Variants in BAP1 observed in about 807,000 individuals in gnomAD.
The protein encoded by BAP1 is BRCA1 associated deubiquitinase 1, also known as ubiquitin carboxyl-terminal hydrolase BAP1.
Under a neutral mutation model 77.2 loss-of-function variants are expected in BAP1, and 16 were observed. The ratio of observed to expected loss-of-function variants is 0.21; its 90% CI spans 0.14 to 0.31. The LOEUF is 0.31. Among genes scored for constraint, BAP1 ranks in the 10% least tolerant of loss-of-function variants. The pLI, the probability that BAP1 is intolerant of heterozygous loss-of-function variation, is 1.00. For missense variants in BAP1, 699 were observed against 967.3 expected, an observed-to-expected ratio of 0.72 and a Z score of 3.68; for synonymous variants, 362 against 385.2, an observed-to-expected ratio of 0.94 and a Z score of 0.71.
Position 52,408,336 on chromosome 3 carries a change from T to A in BAP1, c.255+138A>T, listed in dbSNP as rs1237622291. The A allele has an allele frequency of 8.9e-5, 125 of 1,403,764 alleles. 1 individual carries two copies. Among genetic ancestry groups the A allele is most frequent in the Non-Finnish European group, 3.0e-6 (3 of 1,016,330 alleles). The allele number at this position is 1,403,764 out of a possible 1,614,324, so 87.0% of individuals were successfully genotyped here. ...CCCTTTAATGAATTAAGAGTTCAGT[T>A]CGTTCTGCCAGAGGATTTCTGTAGC... On this transcript the variant is annotated intron_variant, in intron 4 of 16. Coordinates refer to ENST00000460680, the MANE Select transcript of BAP1 (RefSeq NM_004656.4).
chr3:52,405,076 AG>A (rs748642021), intron 11 of BAP1, 33 bp downstream of exon 11: 2 of 1,612,650 alleles, frequency 1.2e-6, no homozygotes, highest in Admixed American at 3.3e-5. Flanking sequence ...AAGAGAATCA[AG>A]TAGAGAATCC....
At chr3:52,407,806 CAATT>C in intron 5 of BAP1, 148 bp downstream of exon 5, 1 of 1,344,642 alleles carries the variant, frequency 7.4e-7, no homozygotes, top group Non-Finnish European at 1.0e-6. Flanking sequence ...TGGCCTTACA[CAATT>C]TATTTAAGAG....
chr3:52,408,335 T>C, intron 4 of BAP1, 139 bp downstream of exon 4: 1 of 1,400,154 alleles, frequency 7.1e-7, no homozygotes, highest in Non-Finnish European at 9.9e-7. Context: ...AAGAGTTCAG[T>C]TCGTTCTGCC....
intron 3 of BAP1, 59 bp from the exon 4 acceptor site, chr3:52,408,665 CCTT>C (rs1705245429): frequency 6.4e-7 from 1 of 1,557,600 alleles, no homozygotes; most frequent in East Asian, 2.3e-5. Context: ...ATCAGCATTC[CCTT>C]CTTTCTCCCA....
chr3:52,407,410 A>G lies in BAP1; in HGVS notation c.426T>C (p.Asn142=), dbSNP rs949334747. Residue 142 remains asparagine, a synonymous_variant, in exon 6 of 17, where the codon AAT becomes AAC. Coordinates refer to ENST00000460680, the MANE Select transcript of BAP1 (RefSeq NM_004656.4). The stretch of plus-strand genomic sequence containing the variant: ...CAGCTCCCACACACCTGGCATGGCT[A>G]TTATGGGCCTTGGCCAACTCCGGGG... ...GNAPELAKAH[N]SHARPEPRHL... 6 of 1,614,084 alleles carry G rather than the reference A, an allele frequency of 3.7e-6. No individual in the cohort carries two copies. In the African/African-American group the frequency reaches 6.7e-5, roughly 18 times the overall value.
rs1553645164 is a variant in BAP1 at position 52,404,550 on chromosome 3, G to A, written c.1153C>T (p.Arg385Ter). 1 of 1,613,820 alleles carries A rather than the reference G, an allele frequency of 6.2e-7. No individual in the cohort carries two copies. ...EDLAAGVGRSRVPVRPPQQYS... is the reference protein window; with the variant it reads ...EDLAAGVGRS ...TGCTGGGGTGGGCGGACTGGAACTC[G>A]GCTGCGGCCCACACCTGCCGCCAGG... The change falls in exon 12 of 17, where the codon CGA becomes TGA. Residue 385 changes from arginine (R) to a stop codon, truncating the protein, a stop_gained. Transcript: ENST00000460680. LOFTEE classifies it high-confidence loss of function.
rs1705149295 is a variant in BAP1, at chr3:52,406,156, A to G, written c.783+97T>C. On this transcript the variant is annotated intron_variant, in intron 9 of 16. Transcript: ENST00000460680. The surrounding 1 kb of genome is among the most constrained non-coding windows in gnomAD (Gnocchi z 4.6). Reference sequence around the variant, plus strand: ...TAGCTGAAGCCCAGATCTACAAGAGAGTATGTTCACGAATCAGAGACAAAT... The same window carrying G: ...TAGCTGAAGCCCAGATCTACAAGAGGGTATGTTCACGAATCAGAGACAAAT... 6.9e-6 allele frequency: 11 copies of G among 1,591,850 alleles called. No individual in the cohort carries two copies. The highest frequency in any genetic ancestry group is 8.6e-6 in the Non-Finnish European group (10 of 1,165,474).
At chr3:52,404,306 G>A in intron 12 of BAP1, 147 bp downstream of exon 12, 1 of 1,365,498 alleles carries the variant, frequency 7.3e-7, no homozygotes, top group South Asian at 1.2e-5. Flanking sequence ...CCTGGGGTCA[G>A]CCCCATCATG....
At position 52,406,175 on chromosome 3, in the gene BAP1, G is replaced by A. The variant is rs2153227378; in HGVS notation, c.783+78C>T. 3 of 1,603,342 alleles carry A rather than the reference G, an allele frequency of 1.9e-6. No homozygotes were observed. The highest frequency in any genetic ancestry group is 2.2e-5 in the East Asian group (1 of 44,628). ...CAAGAGAGTATGTTCACGAATCAGA[G>A]ACAAATGCTGTGGGGGAAGGGAGGA... On this transcript the variant is annotated intron_variant, in intron 9 of 16. Coordinates refer to ENST00000460680, the MANE Select transcript of BAP1 (RefSeq NM_004656.4). This position sits in a 1 kb window ranked among gnomAD's most constrained non-coding sequence, Gnocchi z 4.6.
Position 52,402,934 on chromosome 3 carries a change from T to G in BAP1, c.1891-63A>C, listed in dbSNP as rs551121590. The G allele has an allele frequency of 6.2e-7, 1 of 1,611,848 alleles. No homozygotes were observed. The highest frequency in any genetic ancestry group is 1.1e-5 in the South Asian group (1 of 91,024). On this transcript the variant is annotated intron_variant, in intron 14 of 16. Transcript: ENST00000460680. The surrounding 1 kb of genome is among the most constrained non-coding windows in gnomAD (Gnocchi z 5.3). Reference sequence around the variant, plus strand: ...GCCAGCAACAAAGCCCCACGAGCAATAGGCAGCTAGAGGCAAGGATGAGCA... The same window carrying G: ...GCCAGCAACAAAGCCCCACGAGCAAGAGGCAGCTAGAGGCAAGGATGAGCA...
chr3:52,409,567 T>C lies in BAP1; in HGVS notation c.109A>G (p.Ser37Gly). Reference sequence around the variant, plus strand: ...ACAGCCACTCACCCCTGACATTTGCTCTGAAGGTCGTAGATCTCCTCCACT... The same window carrying C: ...ACAGCCACTCACCCCTGACATTTGCCCTGAAGGTCGTAGATCTCCTCCACT... ...VQVEEIYDLQ[S>G]KCQGPVYGFI... Residue 37 changes from serine to glycine, a missense_variant, in exon 3 of 17, where the codon AGC becomes GGC. By Grantham distance (56) the Ser-to-Gly change is moderately conservative. This residue lies in a region of BAP1 where 160 missense variants were observed against 322.8 expected (regional missense o/e 0.50). Coordinates refer to ENST00000460680, the MANE Select transcript of BAP1 (RefSeq NM_004656.4). 6.2e-7 allele frequency: 1 copy of C among 1,614,104 alleles called. No individual in the cohort carries two copies. Among genetic ancestry groups the C allele is most frequent in the Non-Finnish European group, 8.5e-7 (1 of 1,180,006 alleles).
At chr3:52,409,654 AGT>A in intron 2 of BAP1, 46 bp from the exon 3 acceptor site, 1 of 1,614,084 alleles carries the variant, frequency 6.2e-7, no homozygotes, top group Non-Finnish European at 8.5e-7. Flanking sequence ...GCCCCTGATG[AGT>A]GAGGGCGCAG....
Position 52,402,723 on chromosome 3 carries a change from C to G in BAP1, c.1984-49G>C, listed in dbSNP as rs756064795. 2.5e-6 allele frequency: 4 copies of G among 1,614,030 alleles called. No homozygotes were observed. The highest frequency in any genetic ancestry group is 3.4e-6 in the Non-Finnish European group (4 of 1,179,848). On this transcript the variant is annotated intron_variant, in intron 15 of 16. Coordinates refer to ENST00000460680, the MANE Select transcript of BAP1 (RefSeq NM_004656.4). This position sits in a 1 kb window ranked among gnomAD's most constrained non-coding sequence, Gnocchi z 5.3. ...AGCACTGGAGCCAATCTTGCCAGAG[C>G]AGCCACCAGTGGACCTCGGGAGAGG...
In BAP1 at chr3:52,403,407, A is replaced by G. The variant is rs1179197791; in HGVS notation, c.1729+9T>C. 2 of 1,613,588 alleles carry G rather than the reference A, an allele frequency of 1.2e-6. No individual in the cohort carries two copies. Among genetic ancestry groups the G allele is most frequent in the South Asian group, 1.1e-5 (1 of 91,088 alleles). On this transcript the variant is annotated intron_variant, in intron 13 of 16. Coordinates refer to ENST00000460680, the MANE Select transcript of BAP1 (RefSeq NM_004656.4). This position sits in a 1 kb window ranked among gnomAD's most constrained non-coding sequence, Gnocchi z 4.0. ...CACCAAGTGGCCAGTGAGCCAGTCC[A>G]AGGCCCACCTGTCAGCGCCAGGGGA...
rs1420552937 is a variant in BAP1, at chr3:52,402,271, G to C, written c.*17C>G. ...CCACACGGCAAGAGTGGGCTGCAGA[G>C]TCAGGGCCAGCAGTCCTCACTGGCG... On this transcript the variant is annotated 3_prime_UTR_variant, in exon 17 of 17. Transcript: ENST00000460680. This position sits in a 1 kb window ranked among gnomAD's most constrained non-coding sequence, Gnocchi z 5.3. 6.2e-7 allele frequency: 1 copy of C among 1,600,026 alleles called. No homozygotes were observed. Among genetic ancestry groups the C allele is most frequent in the Non-Finnish European group, 8.5e-7 (1 of 1,175,090 alleles).
At chr3:52,404,037 C>A in intron 12 of BAP1, 143 bp from the exon 13 acceptor site, 1 of 819,408 alleles carries the variant, frequency 1.2e-6, no homozygotes. Context: ...TTGAACTAGC[C>A]ATGCTAAGCC....
Position 52,406,967 on chromosome 3 carries a change from GA to G in BAP1, c.581-61del. The G allele has an allele frequency of 6.5e-7, 1 of 1,530,946 alleles. No homozygotes were observed. Among genetic ancestry groups the G allele is most frequent in the Non-Finnish European group, 8.9e-7 (1 of 1,126,944 alleles). 94.8% of individuals were successfully genotyped at this position (1,530,946 alleles called of 1,614,324 possible). ...GAAACCCTGAGTTTGGGCAGGCCAG[GA>G]GTGGGAAGGAAGACAGAGAAGAGCA... On this transcript the variant is annotated intron_variant, in intron 7 of 16. Transcript: ENST00000460680. This position sits in a 1 kb window ranked among gnomAD's most constrained non-coding sequence, Gnocchi z 4.6.
rs571129828 is a variant in BAP1, at chr3:52,402,471, G to C, written c.2057-50C>G. On this transcript the variant is annotated intron_variant, in intron 16 of 16. Transcript: ENST00000460680. The surrounding 1 kb of genome is among the most constrained non-coding windows in gnomAD (Gnocchi z 5.3). Reference sequence around the variant, plus strand: ...GCAGGTGCTGGCTGCCTCAGGCCAGGAGCTGAGGCTCTCATGGCCCTCCCT... The same window carrying C: ...GCAGGTGCTGGCTGCCTCAGGCCAGCAGCTGAGGCTCTCATGGCCCTCCCT... 2.0e-5 allele frequency: 31 copies of C among 1,584,792 alleles called. 1 individual carries two copies. In the South Asian group the frequency reaches 2.8e-4, roughly 14 times the overall value.
At chr3:52,405,521 A>AAAC in intron 10 of BAP1, 8 of 481,116 alleles carry the variant, frequency 1.7e-5, no homozygotes, top group Admixed American at 4.2e-5. Flanking sequence ...AAAAAAAAAA[A>AAAC]CCGCCTCTAG....
Sources: allele counts gnomAD v4.1 joint callset, GRCh38; gene constraint gnomAD v4.1.1; regional missense constraint gnomAD v4.1.1; non-coding constraint Gnocchi (gnomAD v3.1); transcripts MANE v1.5; gene names NCBI Gene and HGNC (gene_info 2026-07-23, HGNC 2026-07-21).